The following PDE4D variants were observed in gnomAD, a reference collection of about 807,000 sequenced individuals.
PDE4D encodes 3',5'-cyclic-AMP phosphodiesterase 4D.
Under a neutral mutation model 87.4 loss-of-function variants are expected in PDE4D, and 24 were observed. The observed-to-expected ratio is 0.27, with a 90% CI of 0.20 to 0.39. The LOEUF is 0.39. PDE4D is among the 10% of genes least tolerant of loss of function. The pLI is 1.00. For missense variants in PDE4D, 714 were observed against 1,041.0 expected, an observed-to-expected ratio of 0.69 and a Z score of 4.32; for synonymous variants, 384 against 383.2, an observed-to-expected ratio of 1.00 and a Z score of -0.02.
intron 2 of PDE4D, among the ~76,000 whole-genome samples, chr5:60,043,982 A>C (rs1768847233): frequency 6.6e-6 from 1 of 152,230 alleles, no homozygotes; most frequent in South Asian, 2.1e-4. Context: ...TTCTGATGTA[A>C]TTCTTATCCT....
At chr5:60,163,545 G>A (rs113205503) in intron 2 of PDE4D, among the ~76,000 whole-genome samples, 323 of 152,180 alleles carry the variant, frequency 2.1e-3, no homozygotes, top group African/African-American at 7.5e-3. Flanking sequence ...ACAAATAACT[G>A]GCTGATTCCA....
intron 1 of PDE4D, among the ~76,000 whole-genome samples, chr5:59,821,667 A>G (rs768520369): frequency 3.9e-5 from 6 of 152,178 alleles, no homozygotes; most frequent in African/African-American, 7.2e-5. Flanking sequence ...GTGCATTTCA[A>G]ATAATTTTAA....
At chr5:60,097,763 G>A (rs537691040) in intron 2 of PDE4D, among the ~76,000 whole-genome samples, 1 of 152,076 alleles carries the variant, frequency 6.6e-6, no homozygotes, top group South Asian at 2.1e-4. Context: ...GTGTGTGAGT[G>A]TTAAATCCGG....
intron 1 of PDE4D, among the ~76,000 whole-genome samples, chr5:59,407,233 G>GCT (rs975646507): frequency 1.3e-5 from 2 of 151,918 alleles, no homozygotes; most frequent in African/African-American, 4.8e-5. Flanking sequence ...CTTCCTTCCC[G>GCT]CTCTCTCTCT....
chr5:59,453,607 C>T lies in PDE4D; in HGVS notation c.456-237639G>A, dbSNP rs370053950. Among the ~76,000 whole-genome samples, 6 of 152,324 alleles carry T rather than the reference C, an allele frequency of 3.9e-5. No individual in the cohort carries two copies. In the South Asian group the frequency reaches 1.0e-3, roughly 26 times the overall value. Reference sequence around the variant, plus strand: ...AAGATCAAACCAGCCACAACATTCCCTTAAGAAAAGCCTAATTCAGAACAA... The same window carrying T: ...AAGATCAAACCAGCCACAACATTCCTTTAAGAAAAGCCTAATTCAGAACAA... On this transcript the variant is annotated intron_variant, in intron 1 of 14. Transcript: ENST00000340635.
chr5:59,414,815 T>C (rs1793317334), intron 1 of PDE4D, among the ~76,000 whole-genome samples: 1 of 152,150 alleles, frequency 6.6e-6, no homozygotes, highest in Non-Finnish European at 1.5e-5. Context: ...TCTGGGGCTA[T>C]GGCAGAAGTC....
intron 1 of PDE4D, among the ~76,000 whole-genome samples, chr5:59,358,027 G>T (rs2153591174): frequency 6.6e-6 from 1 of 152,274 alleles, no homozygotes; most frequent in Admixed American, 6.5e-5. Flanking sequence ...CACCATATCT[G>T]CAAATTTTGA....
At chr5:60,047,509 C>A (rs1201191844) in intron 2 of PDE4D, among the ~76,000 whole-genome samples, 1 of 152,146 alleles carries the variant, frequency 6.6e-6, no homozygotes, top group Admixed American at 6.5e-5. Flanking sequence ...GCATTTAGTG[C>A]TATAAATTTC....
intron 2 of PDE4D, among the ~76,000 whole-genome samples, chr5:60,096,246 G>A (rs1198816999): frequency 6.6e-6 from 1 of 151,804 alleles, no homozygotes; most frequent in East Asian, 1.9e-4. Flanking sequence ...AGAAGCCTCA[G>A]AAATAACTCC....
chr5:59,229,008 T>A (rs1581492427), intron 1 of PDE4D, among the ~76,000 whole-genome samples: 1 of 152,008 alleles, frequency 6.6e-6, no homozygotes, highest in South Asian at 2.1e-4. Context: ...TTTTTTTTTT[T>A]GAACAAACAA....
At chr5:60,093,763 A>AT (rs1775381304) in intron 2 of PDE4D, among the ~76,000 whole-genome samples, 1 of 147,468 alleles carries the variant, frequency 6.8e-6, no homozygotes, top group Admixed American at 6.8e-5. Flanking sequence ...ATTAATGGTG[A>AT]TTTTTAACTG....
At chr5:59,524,334 T>C (rs1812714137) in intron 1 of PDE4D, among the ~76,000 whole-genome samples, 1 of 152,182 alleles carries the variant, frequency 6.6e-6, no homozygotes, top group Non-Finnish European at 1.5e-5. Flanking sequence ...CAGGCTGAGT[T>C]GGTCTGAGAT....
Position 59,812,918 on chromosome 5 carries a change from C to T in PDE4D, c.455+80250G>A, listed in dbSNP as rs1180908254. On this transcript the variant is annotated intron_variant, in intron 1 of 14. Transcript: ENST00000340635. The stretch of plus-strand genomic sequence containing the variant: ...GAACCTGGCTGCAAAGAAGGGGAAC[C>T]GTTCCCCAAATTTTGCCAAGTCAGG... Among the ~76,000 whole-genome samples, 13 of 152,308 alleles carry T rather than the reference C, an allele frequency of 8.5e-5. No individual in the cohort carries two copies. In the East Asian group the frequency reaches 1.7e-3, roughly 20 times the overall value.
chr5:59,995,571 G>A (rs1475892827), intron 2 of PDE4D, among the ~76,000 whole-genome samples: 3 of 151,986 alleles, frequency 2.0e-5, no homozygotes, highest in East Asian at 3.9e-4. Context: ...CCACCGCCTC[G>A]GCCTCCCAAA....
Position 59,147,994 on chromosome 5 carries a change from T to C in PDE4D, c.808+32601A>G, listed in dbSNP as rs372953321. Among the ~76,000 whole-genome samples, 98 of 152,324 alleles carry C rather than the reference T, an allele frequency of 6.4e-4. 1 individual carries two copies. In the South Asian group the frequency reaches 0.02, roughly 31 times the overall value. ...GTGATTTCTTGGTATAAAGTGATTT[T>C]CAAATGTTTTCCTAACTCAGTAGCC... On this transcript the variant is annotated intron_variant, in intron 5 of 14. Transcript: ENST00000340635.
intron 1 of PDE4D, among the ~76,000 whole-genome samples, chr5:60,308,549 G>C (rs945047248): frequency 3.3e-5 from 5 of 152,154 alleles, no homozygotes; most frequent in Non-Finnish European, 7.3e-5. Context: ...AAGATTATCA[G>C]CCCATCAGTA....
chr5:59,126,818 C>A (rs189821860), intron 5 of PDE4D, among the ~76,000 whole-genome samples: 1 of 152,184 alleles, frequency 6.6e-6, no homozygotes, highest in East Asian at 1.9e-4. Flanking sequence ...TGGAAAGCTG[C>A]CCATTAATGC....
intron 1 of PDE4D, among the ~76,000 whole-genome samples, chr5:59,380,913 T>C (rs1785682326): frequency 6.6e-6 from 1 of 152,244 alleles, no homozygotes; most frequent in Admixed American, 6.5e-5. Flanking sequence ...GAACATATTA[T>C]GCTCATTCAT....
intron 1 of PDE4D, among the ~76,000 whole-genome samples, chr5:59,820,162 A>G (rs1168518826): frequency 1.3e-5 from 2 of 152,120 alleles, no homozygotes; most frequent in Non-Finnish European, 2.9e-5. Context: ...ATTCATCTCT[A>G]TGTTTCTTTT....
Sources: allele counts gnomAD v4.1 joint callset (sites outside exome capture counted in the v4.1 genomes callset), GRCh38; gene constraint gnomAD v4.1.1; transcripts MANE v1.5; gene names NCBI Gene and HGNC (gene_info 2026-07-23, HGNC 2026-07-21).